IL1RAPL2: variants seen among roughly 807,000 people sequenced by gnomAD.
The protein encoded by IL1RAPL2 is X-linked interleukin-1 receptor accessory protein-like 2.
Under a neutral mutation model 44.1 loss-of-function variants are expected in IL1RAPL2, and 3 were observed. That is an observed-to-expected ratio of 0.07 (90% CI 0.03 to 0.18). IL1RAPL2 has a LOEUF of 0.18. IL1RAPL2 is among the 10% of genes least tolerant of loss of function. The pLI, the probability that IL1RAPL2 is intolerant of heterozygous loss-of-function variation, is 1.00. For missense variants in IL1RAPL2, 391 were observed against 496.4 expected (o/e 0.79, Z 2.02); for synonymous variants, 181 against 178.8 (o/e 1.01, Z -0.10).
chrX:105,152,028 G>T (rs910135870), intron 2 of IL1RAPL2, among the ~76,000 whole-genome samples: 4 of 110,479 alleles, frequency 3.6e-5, no homozygotes, highest in African/African-American at 9.9e-5. Context: ...AGGGATAAAA[G>T]ACTACAAATA....
intron 2 of IL1RAPL2, among the ~76,000 whole-genome samples, chrX:104,941,817 G>A (rs1041096211): frequency 1.8e-5 from 2 of 111,731 alleles, no homozygotes; most frequent in African/African-American, 6.5e-5. Context: ...TTCTTCTAGG[G>A]TTTTTATGGT....
intron 5 of IL1RAPL2, among the ~76,000 whole-genome samples, chrX:105,424,645 G>A (rs1425706718): frequency 9.1e-6 from 1 of 110,086 alleles, no homozygotes; most frequent in African/African-American, 3.3e-5. Context: ...AGCTACTCTG[G>A]AGGCTGAGGC....
intron 2 of IL1RAPL2, among the ~76,000 whole-genome samples, chrX:105,164,541 A>C (rs994215061): frequency 8.9e-6 from 1 of 112,504 alleles, no homozygotes; most frequent in African/African-American, 3.2e-5. Context: ...AATGCTATTA[A>C]GCAAAAGGAA....
At chrX:105,253,878 A>T (rs1295684890) in intron 4 of IL1RAPL2, among the ~76,000 whole-genome samples, 1 of 111,700 alleles carries the variant, frequency 9.0e-6, no homozygotes, top group African/African-American at 3.3e-5. Context: ...AAAAGACTTG[A>T]TGTCATTCTT....
chrX:104,718,962 A>G (rs1344816559), intron 2 of IL1RAPL2, among the ~76,000 whole-genome samples: 3 of 112,007 alleles, frequency 2.7e-5, no homozygotes, highest in Non-Finnish European at 5.7e-5. Flanking sequence ...TGTTCCAAAC[A>G]AAGTTTGTTT....
intron 2 of IL1RAPL2, among the ~76,000 whole-genome samples, chrX:104,751,309 T>C (rs1932255348): frequency 9.0e-6 from 1 of 111,606 alleles, no homozygotes; most frequent in South Asian, 3.7e-4. Context: ...GAAAAACATA[T>C]GGTTCCTGCC....
Position 105,633,028 on chromosome X carries a change from C to T in IL1RAPL2, c.773-84339C>T, listed in dbSNP as rs778365481. On this transcript the variant is annotated intron_variant, in intron 6 of 10. Transcript: ENST00000372582. Reference sequence around the variant, plus strand: ...ACATTAATTCATTTCACTTTCCTCCCAGTTAGGGAAACTTCCTCTCCCGCC... The same window carrying T: ...ACATTAATTCATTTCACTTTCCTCCTAGTTAGGGAAACTTCCTCTCCCGCC... 2.5e-4 allele frequency among the ~76,000 whole-genome samples: 28 copies of T among 111,695 alleles called. 1 individual carries two copies. The highest frequency in any genetic ancestry group is 2.3e-4 in the Non-Finnish European group (12 of 53,042).
intron 6 of IL1RAPL2, among the ~76,000 whole-genome samples, chrX:105,551,999 GC>G (rs2036860748): frequency 9.1e-6 from 1 of 109,439 alleles, no homozygotes; most frequent in African/African-American, 3.3e-5. Context: ...CCAGCTACTC[GC>G]GAGGCTGAGG....
At chrX:105,076,484 AGGTGT>A (rs2032305100) in intron 2 of IL1RAPL2, among the ~76,000 whole-genome samples, 1 of 111,583 alleles carries the variant, frequency 9.0e-6, no homozygotes, top group Non-Finnish European at 1.9e-5. Flanking sequence ...ATTTTGGAAT[AGGTGT>A]GGTGTGGTGC....
At chrX:104,761,431 A>G (rs979641375) in intron 2 of IL1RAPL2, among the ~76,000 whole-genome samples, 2 of 110,605 alleles carry the variant, frequency 1.8e-5, no homozygotes, top group Non-Finnish European at 3.8e-5. Flanking sequence ...ACACATGGGG[A>G]TTATGGGAGA....
intron 6 of IL1RAPL2, among the ~76,000 whole-genome samples, chrX:105,596,098 T>G (rs2037207920): frequency 9.0e-6 from 1 of 111,437 alleles, no homozygotes; most frequent in Non-Finnish European, 1.9e-5. Flanking sequence ...TTTCTTGATT[T>G]GTTTGTATTG....
intron 3 of IL1RAPL2, among the ~76,000 whole-genome samples, chrX:105,214,443 G>T (rs1352460911): frequency 9.1e-6 from 1 of 109,445 alleles, no homozygotes; most frequent in Non-Finnish European, 1.9e-5. Flanking sequence ...AAATATATAT[G>T]CACCCAATAT....
At chrX:105,397,926 C>T (rs769976113) in intron 5 of IL1RAPL2, among the ~76,000 whole-genome samples, 196 of 110,584 alleles carry the variant, frequency 1.8e-3, no homozygotes, top group African/African-American at 6.2e-3. Flanking sequence ...TCTCTTGTCA[C>T]TGTATTCAGT....
chrX:105,348,285 C>A (rs1465957494), intron 5 of IL1RAPL2, among the ~76,000 whole-genome samples: 1 of 111,009 alleles, frequency 9.0e-6, no homozygotes, highest in East Asian at 2.8e-4. Context: ...TTATAAAAGG[C>A]AGTTGAAATG....
intron 10 of IL1RAPL2, among the ~76,000 whole-genome samples, chrX:105,760,615 T>C (rs769360304): frequency 3.3e-4 from 37 of 112,105 alleles, no homozygotes; most frequent in South Asian, 7.5e-4. Flanking sequence ...ACAGGTGAAA[T>C]GTGAAAGTAC....
At chrX:104,898,571 C>A (rs958660726) in intron 2 of IL1RAPL2, among the ~76,000 whole-genome samples, 1 of 112,828 alleles carries the variant, frequency 8.9e-6, no homozygotes, top group Non-Finnish European at 1.9e-5. Flanking sequence ...TCAGCCTTCA[C>A]TGATATCTCC....
intron 4 of IL1RAPL2, among the ~76,000 whole-genome samples, chrX:105,254,089 C>T (rs1459963598): frequency 9.0e-6 from 1 of 111,479 alleles, no homozygotes; most frequent in African/African-American, 3.3e-5. Context: ...ATTGCTGGGT[C>T]AAATGGTATT....
intron 2 of IL1RAPL2, among the ~76,000 whole-genome samples, chrX:105,159,786 C>A (rs2033304626): frequency 8.9e-6 from 1 of 111,878 alleles, no homozygotes; most frequent in South Asian, 3.8e-4. Context: ...CAAGACTTTT[C>A]ATGCTCTCTG....
intron 2 of IL1RAPL2, among the ~76,000 whole-genome samples, chrX:104,954,052 CTT>C (rs1925651112): frequency 9.0e-6 from 1 of 111,715 alleles, no homozygotes; most frequent in African/African-American, 3.3e-5. Flanking sequence ...AAGGGATATT[CTT>C]TCTTTCTGCC....
Sources: gnomAD v4.1 joint callset for allele counts (sites outside exome capture counted in the v4.1 genomes callset) on GRCh38, gnomAD v4.1.1 for gene constraint, MANE v1.5 for transcripts, NCBI Gene and HGNC (gene_info 2026-07-23, HGNC 2026-07-21) for gene names.